Variants in SRSF12 observed in about 807,000 individuals in gnomAD.
The protein encoded by SRSF12 is serine/arginine-rich splicing factor 12.
In SRSF12, 21 loss-of-function variants were observed where a neutral mutation model predicts 34.1. That is an observed-to-expected ratio of 0.62 (90% confidence interval 0.44 to 0.89). The LOEUF (loss-of-function observed/expected upper bound fraction) is 0.89. SRSF12 is among the 40% of genes least tolerant of loss of function. The pLI is 0.00. For synonymous variants in SRSF12, 111 were observed against 110.8 expected, an observed-to-expected ratio of 1.00 and a Z score of -0.01; for missense variants, 278 against 327.8, an observed-to-expected ratio of 0.85 and a Z score of 1.17.
intron 1 of SRSF12, among the ~76,000 whole-genome samples, chr6:89,107,675 G>A (rs143903801): frequency 5.9e-4 from 90 of 152,256 alleles, no homozygotes; most frequent in Middle Eastern, 3.4e-3. Context: ...GGTTGAGGCT[G>A]CAGTGAGCCA....
intron 1 of SRSF12, among the ~76,000 whole-genome samples, chr6:89,112,880 C>A (rs1327966736): frequency 6.6e-6 from 1 of 152,034 alleles, no homozygotes; most frequent in East Asian, 1.9e-4. Context: ...TCTTTTACAC[C>A]ATATTTTTAG....
chr6:89,117,149 G>A lies in SRSF12; in HGVS notation c.65+674C>T, dbSNP rs114166121. Among the ~76,000 whole-genome samples the A allele has an allele frequency of 8.5e-4, 129 of 152,200 alleles. 1 individual carries two copies. The highest frequency in any genetic ancestry group is 2.8e-3 in the African/African-American group (116 of 41,504). On this transcript the variant is annotated intron_variant, in intron 1 of 4. Transcript: ENST00000452027. Reference sequence around the variant, plus strand: ...AGACAAAATTCTCAACGGAGGGGTGGGGCATCAGAATCAACCAGGTGAGCC... The same window carrying A: ...AGACAAAATTCTCAACGGAGGGGTGAGGCATCAGAATCAACCAGGTGAGCC...
At chr6:89,112,685 T>C (rs1446658726) in intron 1 of SRSF12, among the ~76,000 whole-genome samples, 1 of 152,090 alleles carries the variant, frequency 6.6e-6, no homozygotes, top group African/African-American at 2.4e-5. Flanking sequence ...GCACTGGGAT[T>C]ACAAGCATAA....
At chr6:89,106,815 A>C in intron 2 of SRSF12, 1 of 362,384 alleles carries the variant, frequency 2.8e-6, no homozygotes, top group South Asian at 2.1e-5. Context: ...GGAAAGCCGA[A>C]GTCTCAACCT....
At chr6:89,099,078 C>T (rs1171964249) in intron 4 of SRSF12, 131 bp from the exon 5 acceptor site, 4 of 1,162,836 alleles carry the variant, frequency 3.4e-6, no homozygotes, top group South Asian at 1.8e-5. Context: ...AAAAATTTCT[C>T]ATTTTATTAT....
At chr6:89,111,708 C>T (rs1188577282) in intron 1 of SRSF12, among the ~76,000 whole-genome samples, 3 of 152,000 alleles carry the variant, frequency 2.0e-5, no homozygotes, top group Non-Finnish European at 2.9e-5. Flanking sequence ...TTTTCTTTTT[C>T]CTGATTTTAT....
At chr6:89,101,234 TAC>T (rs1404182820) in intron 4 of SRSF12, among the ~76,000 whole-genome samples, 5 of 151,930 alleles carry the variant, frequency 3.3e-5, no homozygotes, top group Admixed American at 6.6e-5. Flanking sequence ...ATGTATAGCA[TAC>T]AGTCACACAA....
At chr6:89,106,643 G>A (rs1053525603) in intron 2 of SRSF12, 1 of 162,538 alleles carries the variant, frequency 6.2e-6, no homozygotes, top group Non-Finnish European at 1.4e-5. Context: ...AACAGAAAAA[G>A]CTCAAGATAC....
At chr6:89,106,518 T>C (rs1768794393) in intron 2 of SRSF12, among the ~76,000 whole-genome samples, 1 of 152,160 alleles carries the variant, frequency 6.6e-6, no homozygotes, top group Non-Finnish European at 1.5e-5. Flanking sequence ...CCCACTAAAC[T>C]TCCTTATGTA....
chr6:89,106,514 A>C (rs532621529), intron 2 of SRSF12, among the ~76,000 whole-genome samples: 5 of 152,330 alleles, frequency 3.3e-5, no homozygotes, highest in Admixed American at 3.3e-4. Flanking sequence ...ATATCCCACT[A>C]AACTTCCTTA....
intron 1 of SRSF12, among the ~76,000 whole-genome samples, chr6:89,111,133 G>A (rs1211503302): frequency 6.7e-6 from 1 of 150,050 alleles, no homozygotes; most frequent in Non-Finnish European, 1.5e-5. Flanking sequence ...TTTGGAGATG[G>A]AATCTTGCTT....
At chr6:89,098,994 A>C in intron 4 of SRSF12, 47 bp from the exon 5 acceptor site, 2 of 1,535,010 alleles carry the variant, frequency 1.3e-6, no homozygotes, top group Non-Finnish European at 1.8e-6. Context: ...ACAAAATAAG[A>C]GATCAGGAAA....
rs1173650894 is a variant in SRSF12 at position 89,098,005 on chromosome 6, T to TA, written c.*572dup. 2 of 152,314 alleles carry TA rather than the reference T, an allele frequency of 1.3e-5. No individual in the cohort carries two copies. Among genetic ancestry groups the TA allele is most frequent in the African/African-American group, 4.8e-5 (2 of 41,462 alleles). 9.4% of individuals were successfully genotyped at this position (152,314 alleles called of 1,614,324 possible). A position where few individuals can be genotyped will look rare whatever the true frequency, so the allele number is the denominator to read the frequency against. On this transcript the variant is annotated 3_prime_UTR_variant, in exon 5 of 5. Transcript: ENST00000452027. ...TATACTGTTCTACCCAATAAAAATA[T>TA]AACCTTTGAGCTTAGGAGAGAATGT...
chr6:89,107,032 G>A (rs1166987865), intron 2 of SRSF12, 122 bp downstream of exon 2: 1 of 1,033,986 alleles, frequency 9.7e-7, no homozygotes, highest in Non-Finnish European at 1.5e-6. Context: ...GATCTTCTGA[G>A]ATAAAGAAAT....
chr6:89,116,276 T>A (rs1769290231), intron 1 of SRSF12, among the ~76,000 whole-genome samples: 1 of 152,226 alleles, frequency 6.6e-6, no homozygotes, highest in Non-Finnish European at 1.5e-5. Context: ...CTGAAGAGGC[T>A]TGATGCTTAT....
At chr6:89,107,279 G>A (rs757004579) in intron 1 of SRSF12, 21 bp from the exon 2 acceptor site, 2 of 1,587,646 alleles carry the variant, frequency 1.3e-6, no homozygotes, top group Non-Finnish European at 1.7e-6. Context: ...TTAGAAATAA[G>A]GCAAAGAAAT....
At chr6:89,115,395 G>A (rs1191914499) in intron 1 of SRSF12, among the ~76,000 whole-genome samples, 10 of 151,870 alleles carry the variant, frequency 6.6e-5, no homozygotes, top group Admixed American at 6.6e-4. Context: ...CGATTCTCGT[G>A]CCTCAGTCTC....
At chr6:89,105,357 A>G in intron 3 of SRSF12, 70 bp downstream of exon 3, 1 of 1,562,512 alleles carries the variant, frequency 6.4e-7, no homozygotes, top group Non-Finnish European at 8.7e-7. Context: ...AGAATTTTAA[A>G]TTAAAAAATC....
chr6:89,115,386 G>A (rs1449970924), intron 1 of SRSF12, among the ~76,000 whole-genome samples: 3 of 151,848 alleles, frequency 2.0e-5, no homozygotes, highest in African/African-American at 4.8e-5. Context: ...GGGTTCAAGC[G>A]ATTCTCGTGC....
Sources: allele counts gnomAD v4.1 joint callset (sites outside exome capture counted in the v4.1 genomes callset), GRCh38; gene constraint gnomAD v4.1.1; transcripts MANE v1.5; gene names NCBI Gene and HGNC (gene_info 2026-07-23, HGNC 2026-07-21).